Variants in GRIP2 observed in about 807,000 individuals in gnomAD.
GRIP2 encodes the protein glutamate receptor-interacting protein 2.
Under a neutral mutation model 108.3 loss-of-function variants are expected in GRIP2, and 58 were observed. The ratio of observed to expected loss-of-function variants is 0.54; its 90% CI spans 0.43 to 0.67. The LOEUF (loss-of-function observed/expected upper bound fraction) is 0.67. Among genes scored for constraint, GRIP2 ranks in the 30% least tolerant of loss-of-function variants. The pLI is 0.00. For missense variants in GRIP2, 1,278 were observed against 1,430.6 expected, an observed-to-expected ratio of 0.89 and a Z score of 1.72; for synonymous variants, 586 against 598.2, an observed-to-expected ratio of 0.98 and a Z score of 0.30.
At chr3:14,601,826 G>A in the GRIP2 span, among the ~76,000 whole-genome samples, 1 of 152,192 alleles carries the variant, frequency 6.6e-6, no homozygotes, top group Admixed American at 6.5e-5. Flanking sequence ...ACTGAGAGAG[G>A]CCCAACCTGG....
chr3:14,564,818 A>G, the GRIP2 span, among the ~76,000 whole-genome samples: 23,721 of 152,218 alleles, frequency 0.16, 1,970 homozygotes, highest in South Asian at 0.2. Flanking sequence ...GCTCATGAAT[A>G]GGGAGATCAG....
chr3:14,517,130 G>A lies in GRIP2; in HGVS notation c.1240C>T (p.Gln414Ter), dbSNP rs765885770. 6.2e-7 allele frequency: 1 copy of A among 1,610,476 alleles called. No homozygotes were observed. Among genetic ancestry groups the A allele is most frequent in the Non-Finnish European group, 8.5e-7 (1 of 1,178,704 alleles). Reference sequence around the variant, plus strand: ...ATTGTAGTTCGAGGACTCATGGGCTGGGATCCACGGGGAAGGGTGCTGGGG... The same window carrying A: ...ATTGTAGTTCGAGGACTCATGGGCTAGGATCCACGGGGAAGGGTGCTGGGG... ...NNPSTLPRGS[Q>*]PMSPRTTMGR... The change falls in exon 11 of 24, where the codon CAG (glutamine) becomes TAG (stop). Residue 414 changes from glutamine to a stop codon, truncating the protein, a stop_gained. Coordinates refer to ENST00000621039, the MANE Select transcript of GRIP2 (RefSeq NM_001080423.4). LOFTEE classifies it high-confidence loss of function.
chr3:14,539,441 G>T (rs1165427139), intron 1 of GRIP2, among the ~76,000 whole-genome samples: 1 of 152,082 alleles, frequency 6.6e-6, no homozygotes, highest in Non-Finnish European at 1.5e-5. Context: ...AAGTCATCGG[G>T]GTGTCAATCC....
At position 14,507,552 on chromosome 3, in the gene GRIP2, G is replaced by T. The variant is rs370729301; in HGVS notation, c.2218+9C>A. ...CTGGGTGGCTCCCAGGGGATGAAGC[G>T]AATCTCACGGTCTAGTTGCTTCTTG... On this transcript the variant is annotated intron_variant, in intron 18 of 23. Coordinates refer to ENST00000621039, the MANE Select transcript of GRIP2 (RefSeq NM_001080423.4). This position sits in a 1 kb window ranked among gnomAD's most constrained non-coding sequence, Gnocchi z 4.6. 6.2e-7 allele frequency: 1 copy of T among 1,611,238 alleles called. No homozygotes were observed. Among genetic ancestry groups the T allele is most frequent in the Non-Finnish European group, 8.5e-7 (1 of 1,177,636 alleles).
chr3:14,519,180 T>G lies in GRIP2; in HGVS notation c.1030+930A>C, dbSNP rs548316234. Among the ~76,000 whole-genome samples the G allele has an allele frequency of 8.9e-4, 136 of 152,320 alleles. 4 individuals carry two copies. The South Asian group carries it at 0.026, about 29-fold the overall frequency. ...ATGTCACCCAGACCAGTCCCTGGAC[T>G]GTGGTTCATTCAGTGTGGCTTTTTC... is the stretch of plus-strand genomic sequence containing the variant. On this transcript the variant is annotated intron_variant, in intron 9 of 23. Coordinates refer to ENST00000621039, the MANE Select transcript of GRIP2 (RefSeq NM_001080423.4).
At chr3:14,573,901 CGTT>C in the GRIP2 span, 123 of 1,166,348 alleles carry the variant, frequency 1.1e-4, 1 homozygote, top group African/African-American at 5.7e-4. Context: ...CCCGACCTGT[CGTT>C]GTGCATGCAG....
At chr3:14,572,881 C>A in the GRIP2 span, 11 of 1,247,910 alleles carry the variant, frequency 8.8e-6, no homozygotes, top group African/African-American at 4.5e-5. Context: ...TCGTACTTCT[C>A]GCAGAAATTA....
intron 1 of GRIP2, among the ~76,000 whole-genome samples, chr3:14,528,963 C>T (rs954080604): frequency 2.0e-5 from 3 of 151,966 alleles, no homozygotes; most frequent in Non-Finnish European, 2.9e-5. Context: ...GACTCTGTGT[C>T]GCACTAAAGT....
chr3:14,574,305 T>C, the GRIP2 span: 41 of 984,568 alleles, frequency 4.2e-5, no homozygotes, highest in Non-Finnish European at 5.6e-5. Context: ...GCTCAGCCCA[T>C]ACAGCCGCTT....
At chr3:14,552,632 CTCTT>C (rs1378735090) in intron 1 of GRIP2, among the ~76,000 whole-genome samples, 17 of 106,348 alleles carry the variant, frequency 1.6e-4, no homozygotes, top group Admixed American at 1.9e-4. Flanking sequence ...CTCTCTCTCT[CTCTT>C]TTTTTTTTTT....
chr3:14,593,622 G>A, the GRIP2 span, among the ~76,000 whole-genome samples: 1 of 152,196 alleles, frequency 6.6e-6, no homozygotes, highest in East Asian at 1.9e-4. Context: ...CGAGGCGCAG[G>A]CCATCCTCCC....
Position 14,523,552 on chromosome 3 carries a change from T to G in GRIP2, c.490+60A>C, listed in dbSNP as rs180829091. On this transcript the variant is annotated intron_variant, in intron 5 of 23. Coordinates refer to ENST00000621039, the MANE Select transcript of GRIP2 (RefSeq NM_001080423.4). ...CATTCAAATCCAAACAGCACACACA[T>G]GGAATTAGTATTAGCCTCTTTCTTG... is the stretch of plus-strand genomic sequence containing the variant. 3.3e-3 allele frequency: 3,530 copies of G among 1,057,218 alleles called. 33 individuals are homozygous for G. Among genetic ancestry groups the G allele is most frequent in the Non-Finnish European group, 2.7e-3 (1,848 of 689,230 alleles). 65.5% of individuals were successfully genotyped at this position (1,057,218 alleles called of 1,614,324 possible).
rs759604848 is a variant in GRIP2, at chr3:14,511,459, C to G, written c.1741G>C (p.Glu581Gln). 2.0e-5 allele frequency: 33 copies of G among 1,613,490 alleles called. No individual in the cohort carries two copies. The highest frequency in any genetic ancestry group is 2.8e-5 in the Non-Finnish European group (33 of 1,179,876). ...TTGATGTCGGAGATGATCAAGGGCTCCCCTCGTTTCCTGCTGGCCGCTGGA... is the reference window on the plus strand; with the variant it reads ...TTGATGTCGGAGATGATCAAGGGCTGCCCTCGTTTCCTGCTGGCCGCTGGA... ...TISSASRKRGEPLIISDIKKG... is the reference protein window; with the variant it reads ...TISSASRKRGQPLIISDIKKG... Residue 581 changes from glutamate (E) to glutamine (Q), a missense_variant, in exon 15 of 24, where the codon GAG (glutamate) becomes CAG (glutamine). Coordinates refer to ENST00000621039, the MANE Select transcript of GRIP2 (RefSeq NM_001080423.4). This position sits in a 1 kb window ranked among gnomAD's most constrained non-coding sequence, Gnocchi z 4.1.
chr3:14,571,953 G>C, the GRIP2 span, among the ~76,000 whole-genome samples: 5 of 152,192 alleles, frequency 3.3e-5, no homozygotes, highest in African/African-American at 4.8e-5. Flanking sequence ...GACGCTGCTG[G>C]TGGTGATGTA....
chr3:14,513,819 AG>A lies in GRIP2; in HGVS notation c.1494-10del. ...CCTGCAGCAGCCCACACCTGAACCC[AG>A]GGGGCCCGGCAGAGAGAAGAGGCTC... On this transcript the variant is annotated splice_polypyrimidine_tract_variant and intron_variant, in intron 12 of 23. Coordinates refer to ENST00000621039, the MANE Select transcript of GRIP2 (RefSeq NM_001080423.4). 6.2e-7 allele frequency: 1 copy of A among 1,611,282 alleles called. No individual in the cohort carries two copies. Among genetic ancestry groups the A allele is most frequent in the Non-Finnish European group, 8.5e-7 (1 of 1,178,614 alleles).
intron 5 of GRIP2, 117 bp from the exon 6 acceptor site, chr3:14,523,192 G>C: frequency 1.3e-6 from 1 of 741,294 alleles, no homozygotes; most frequent in Non-Finnish European, 2.3e-6. Flanking sequence ...CCTTGTCCTT[G>C]CTATCCATGG....
At chr3:14,494,699 G>T in intron 23 of GRIP2, 144 bp downstream of exon 23, 1 of 949,394 alleles carries the variant, frequency 1.1e-6, no homozygotes, top group Non-Finnish European at 1.5e-6. Flanking sequence ...TGAGGGTGCT[G>T]GGGCCCGCAA....
intron 21 of GRIP2, among the ~76,000 whole-genome samples, chr3:14,496,786 C>T (rs982646242): frequency 3.3e-5 from 5 of 152,170 alleles, no homozygotes; most frequent in African/African-American, 9.7e-5. Flanking sequence ...TCATTCGTGC[C>T]GACCCAGGGC....
At chr3:14,597,336 A>T in the GRIP2 span, among the ~76,000 whole-genome samples, 2 of 152,222 alleles carry the variant, frequency 1.3e-5, no homozygotes, top group Non-Finnish European at 2.9e-5. Context: ...GGGAAAAAAA[A>T]TCCCCATTAG....
Sources: allele counts gnomAD v4.1 joint callset (sites outside exome capture counted in the v4.1 genomes callset), GRCh38; gene constraint gnomAD v4.1.1; non-coding constraint Gnocchi (gnomAD v3.1); transcripts MANE v1.5; gene names NCBI Gene and HGNC (gene_info 2026-07-23, HGNC 2026-07-21).